Variants in MAT1A observed in about 807,000 individuals in gnomAD.
The protein encoded by MAT1A is methionine adenosyltransferase 1A, also known as S-adenosylmethionine synthase isoform type-1.
Under a neutral mutation model 44.0 loss-of-function variants are expected in MAT1A, and 19 were observed. The ratio of observed to expected loss-of-function variants is 0.43; its 90% CI spans 0.30 to 0.63. The LOEUF (loss-of-function observed/expected upper bound fraction) is 0.63, where lower values mean the gene tolerates loss of function less well. Ranked by LOEUF, MAT1A falls within the 30% of genes least tolerant of loss-of-function variation. MAT1A has a pLI of 0.12. For synonymous variants in MAT1A, 205 were observed against 205.6 expected (o/e 1.00, Z 0.03); for missense variants, 397 against 531.0 (o/e 0.75, Z 2.48).
chr10:80,273,367 G>C lies in MAT1A; in HGVS notation c.*414C>G, dbSNP rs886047316. On this transcript the variant is annotated 3_prime_UTR_variant, in exon 9 of 9. Transcript: ENST00000372213. ...GGCACTGGCTGCCTGTGAAAGGGGG[G>C]TCCAGGAGCCCAGGCCCACAAGGAG... is the stretch of plus-strand genomic sequence containing the variant. The C allele has an allele frequency of 3.3e-5, 9 of 272,034 alleles. No homozygotes were observed. Among genetic ancestry groups the C allele is most frequent in the Non-Finnish European group, 6.5e-5 (9 of 138,594 alleles). 16.9% of individuals were successfully genotyped at this position (272,034 alleles called of 1,614,324 possible).
rs1466847239 is a variant in MAT1A, at chr10:80,272,605, G to A, written c.*1176C>T. 1.3e-5 allele frequency: 2 copies of A among 152,494 alleles called. No individual in the cohort carries two copies. The highest frequency in any genetic ancestry group is 2.9e-5 in the Non-Finnish European group (2 of 68,256). 9.4% of individuals were successfully genotyped at this position (152,494 alleles called of 1,614,324 possible). On this transcript the variant is annotated 3_prime_UTR_variant, in exon 9 of 9. Coordinates refer to ENST00000372213, the MANE Select transcript of MAT1A (RefSeq NM_000429.3). ...CCTGCAGGGGATACAAGGGACCAGG[G>A]AAAGAGAAAGACTTGAGGGCCTCTG...
Position 80,275,152 on chromosome 10 carries a change from G to T in MAT1A, c.816C>A (p.Gly272=), listed in dbSNP as rs751778923. ...CCCCACCACCATGAGCCCCCCAGCCGCCATAGGTGTCCACAATAATCTTAC... is the reference window on the plus strand; with the variant it reads ...CCCCACCACCATGAGCCCCCCAGCCTCCATAGGTGTCCACAATAATCTTAC... The part of the protein sequence containing the change: ...TGRKIIVDTY[G]GWGAHGGGAF... The change falls in exon 7 of 9, where the codon GGC becomes GGA. Residue 272 remains glycine, a synonymous_variant. Transcript: ENST00000372213. 33 of 1,613,260 alleles carry T rather than the reference G, an allele frequency of 2.0e-5. No homozygotes were observed. The highest frequency in any genetic ancestry group is 1.7e-4 in the Middle Eastern group (1 of 6,060).
At position 80,289,577 on chromosome 10, in the gene MAT1A, A is replaced by C; in HGVS notation, c.-154T>G. On this transcript the variant is annotated 5_prime_UTR_variant, in exon 1 of 9. Transcript: ENST00000372213. ...GATCACTTCTGCCTAACTGCCTGTG[A>C]GCACGTGAGAACAGGCGAGGACTGC... 1.4e-6 allele frequency: 1 copy of C among 694,652 alleles called. No homozygotes were observed. The highest frequency in any genetic ancestry group is 2.6e-6 in the Non-Finnish European group (1 of 380,748). The allele number at this position is 694,652 out of a possible 1,614,324, so 43.0% of individuals were successfully genotyped here.
intron 1 of MAT1A, among the ~76,000 whole-genome samples, chr10:80,286,934 T>G (rs1841657904): frequency 6.6e-6 from 1 of 152,226 alleles, no homozygotes; most frequent in Non-Finnish European, 1.5e-5. Flanking sequence ...AGGTTGTGTT[T>G]TGTTTGTTTG....
rs549437745 is a variant in MAT1A at position 80,273,198 on chromosome 10, C to G, written c.*583G>C. On this transcript the variant is annotated 3_prime_UTR_variant, in exon 9 of 9. Transcript: ENST00000372213. ...ATAAATGGGATATAAAAGGTACTAC[C>G]TCATCATGTTGCAGTGAAGAAAAAA... The G allele has an allele frequency of 9.8e-5, 16 of 162,662 alleles. No homozygotes were observed. The South Asian group carries it at 2.8e-3, about 28-fold the overall frequency. 10.1% of individuals were successfully genotyped at this position (162,662 alleles called of 1,614,324 possible).
chr10:80,289,495 T>TCTTCTTC lies in MAT1A; in HGVS notation c.-73_-72insGAAGAAG, dbSNP rs1554841507. ...GGCTGTGACTTTGCCTGAGTTTTTTTTTCTTCTTCTTCTTCTTCTTTCAAC... is the reference window on the plus strand; with the variant it reads ...GGCTGTGACTTTGCCTGAGTTTTTTTCTTCTTCTTCTTCTTCTTCTTCTTCTTTCAAC... On this transcript the variant is annotated 5_prime_UTR_variant, in exon 1 of 9. Transcript: ENST00000372213. The TCTTCTTC allele has an allele frequency of 9.3e-6, 8 of 864,082 alleles. No individual in the cohort carries two copies. Among genetic ancestry groups the TCTTCTTC allele is most frequent in the South Asian group, 2.8e-5 (2 of 70,846 alleles). The allele number at this position is 864,082 out of a possible 1,614,324, so 53.5% of individuals were successfully genotyped here.
At chr10:80,283,853 C>T in intron 3 of MAT1A, 63 bp downstream of exon 3, 2 of 1,612,056 alleles carry the variant, frequency 1.2e-6, no homozygotes, top group Non-Finnish European at 1.7e-6. Context: ...GGGTTTGACT[C>T]AGCACTGGGG....
chr10:80,276,959 C>CA (rs1264094350), intron 5 of MAT1A, among the ~76,000 whole-genome samples: 1 of 152,176 alleles, frequency 6.6e-6, no homozygotes, highest in Non-Finnish European at 1.5e-5. Flanking sequence ...CTCTATAGCC[C>CA]AGGAGGTATC....
Position 80,273,711 on chromosome 10 carries a change from G to A in MAT1A, c.*70C>T. On this transcript the variant is annotated 3_prime_UTR_variant, in exon 9 of 9. Coordinates refer to ENST00000372213, the MANE Select transcript of MAT1A (RefSeq NM_000429.3). ...GGGTGGGGAAGGCGATCAGCAGCCA[G>A]GCGTCTGGGGAAGAGGAGCATGGCC... 9.0e-7 allele frequency: 1 copy of A among 1,112,362 alleles called. No homozygotes were observed. The highest frequency in any genetic ancestry group is 2.4e-5 in the East Asian group (1 of 42,540). The allele number at this position is 1,112,362 out of a possible 1,614,324, so 68.9% of individuals were successfully genotyped here.
intron 5 of MAT1A, among the ~76,000 whole-genome samples, chr10:80,277,480 T>C (rs527268317): frequency 2.0e-5 from 3 of 152,270 alleles, no homozygotes; most frequent in African/African-American, 4.8e-5. Context: ...GTCCTGGCCA[T>C]GTAAGATCTG....
Position 80,272,593 on chromosome 10 carries a change from CA to C in MAT1A, c.*1187del, listed in dbSNP as rs1267397679. 6.6e-6 allele frequency: 1 copy of C among 152,482 alleles called. No individual in the cohort carries two copies. Among genetic ancestry groups the C allele is most frequent in the Non-Finnish European group, 1.5e-5 (1 of 68,256 alleles). 9.4% of individuals were successfully genotyped at this position (152,482 alleles called of 1,614,324 possible). On this transcript the variant is annotated 3_prime_UTR_variant, in exon 9 of 9. Transcript: ENST00000372213. ...AAATGCACTCAGCCTGCAGGGGATA[CA>C]AGGGACCAGGGAAAGAGAAAGACTT...
intron 3 of MAT1A, among the ~76,000 whole-genome samples, chr10:80,281,175 G>C (rs753062348): frequency 7.2e-5 from 11 of 152,106 alleles, no homozygotes; most frequent in Admixed American, 6.5e-5. Context: ...GTGCCTCCCA[G>C]AATCTAGTTT....
intron 1 of MAT1A, among the ~76,000 whole-genome samples, chr10:80,288,396 G>A (rs973137833): frequency 2.0e-5 from 3 of 152,166 alleles, no homozygotes; most frequent in African/African-American, 7.2e-5. Flanking sequence ...GCCCTCTGTT[G>A]TCTTGACAAG....
At chr10:80,276,730 T>G (rs1336128667) in intron 5 of MAT1A, 136 bp from the exon 6 acceptor site, 5 of 828,508 alleles carry the variant, frequency 6.0e-6, no homozygotes, top group Non-Finnish European at 1.0e-5. Context: ...CAAAGGGTGT[T>G]GGGGGAGTTA....
At chr10:80,286,450 G>A (rs1841652112) in intron 1 of MAT1A, among the ~76,000 whole-genome samples, 1 of 152,192 alleles carries the variant, frequency 6.6e-6, no homozygotes, top group South Asian at 2.1e-4. Context: ...TTGTTTTGCA[G>A]AATACTTCCA....
At position 80,273,707 on chromosome 10, in the gene MAT1A, GC is replaced by G. The variant is rs1021299615; in HGVS notation, c.*73del. Reference sequence around the variant, plus strand: ...TGGTGGGTGGGGAAGGCGATCAGCAGCCAGGCGTCTGGGGAAGAGGAGCATG... The same window carrying G: ...TGGTGGGTGGGGAAGGCGATCAGCAGCAGGCGTCTGGGGAAGAGGAGCATG... On this transcript the variant is annotated 3_prime_UTR_variant, in exon 9 of 9. Coordinates refer to ENST00000372213, the MANE Select transcript of MAT1A (RefSeq NM_000429.3). 8 of 1,083,406 alleles carry G rather than the reference GC, an allele frequency of 7.4e-6. No homozygotes were observed. Among genetic ancestry groups the G allele is most frequent in the Non-Finnish European group, 1.1e-5 (8 of 698,662 alleles). 67.1% of individuals were successfully genotyped at this position (1,083,406 alleles called of 1,614,324 possible).
chr10:80,276,244 A>G, intron 6 of MAT1A, 132 bp downstream of exon 6: 1 of 901,930 alleles, frequency 1.1e-6, no homozygotes, highest in Non-Finnish European at 1.8e-6. Flanking sequence ...AAATTCACCG[A>G]CTTTACATTT....
intron 3 of MAT1A, among the ~76,000 whole-genome samples, chr10:80,281,004 C>G (rs1301799743): frequency 6.6e-6 from 1 of 152,150 alleles, no homozygotes. Context: ...TTTGGCCAAC[C>G]AAAATTCTCC....
At chr10:80,275,558 AC>A (rs1589480303) in intron 6 of MAT1A, 1 of 346,226 alleles carries the variant, frequency 2.9e-6, no homozygotes, top group East Asian at 6.8e-5. Context: ...GGCTGGTGCC[AC>A]CTAGCAAATG....
Sources: gnomAD v4.1 joint callset for allele counts (sites outside exome capture counted in the v4.1 genomes callset) on GRCh38, gnomAD v4.1.1 for gene constraint, MANE v1.5 for transcripts, NCBI Gene and HGNC (gene_info 2026-07-23, HGNC 2026-07-21) for gene names.